Variants in MAPKAP1 observed in about 807,000 individuals in gnomAD.
MAPKAP1 encodes the protein target of rapamycin complex 2 subunit MAPKAP1.
Under a neutral mutation model 65.7 loss-of-function variants are expected in MAPKAP1, and 20 were observed. That is an observed-to-expected ratio of 0.30 (90% CI 0.21 to 0.44). The LOEUF (loss-of-function observed/expected upper bound fraction) is 0.44, where lower values mean the gene tolerates loss of function less well. MAPKAP1 is among the 20% of genes least tolerant of loss of function. The pLI, the probability that MAPKAP1 is intolerant of heterozygous loss-of-function variation, is 1.00. For synonymous variants in MAPKAP1, 222 were observed against 244.3 expected, an observed-to-expected ratio of 0.91 and a Z score of 0.85; for missense variants, 423 against 648.0, an observed-to-expected ratio of 0.65 and a Z score of 3.77.
chr9:125,591,171 C>A (rs1027022646), intron 4 of MAPKAP1, among the ~76,000 whole-genome samples: 1 of 152,208 alleles, frequency 6.6e-6, no homozygotes, highest in African/African-American at 2.4e-5. Context: ...AGACTCAAAC[C>A]TCATGTCAGC....
Position 125,464,202 on chromosome 9 carries a change from A to AT in MAPKAP1, c.1345+3769dup, listed in dbSNP as rs199979407. ...AACACAGTGAGACCCTGTCTCATAT[A>AT]TTAAAAAAAAAAAAAAAAAAAAAAA... On this transcript the variant is annotated intron_variant, in intron 10 of 11. Transcript: ENST00000265960. 8.9e-3 allele frequency among the ~76,000 whole-genome samples: 721 copies of AT among 81,098 alleles called. 100 individuals are homozygous for AT. The highest frequency in any genetic ancestry group is 0.039 in the East Asian group (123 of 3,156). The allele number at this position is 81,098 out of a possible 152,430, so 53.2% of individuals were successfully genotyped here.
intron 4 of MAPKAP1, among the ~76,000 whole-genome samples, chr9:125,594,112 G>C (rs1353713884): frequency 6.6e-6 from 1 of 152,180 alleles, no homozygotes; most frequent in East Asian, 1.9e-4. Context: ...CAACGCCCCA[G>C]TTTAGGCTTC....
chr9:125,673,093 T>C (rs111793880), intron 1 of MAPKAP1, among the ~76,000 whole-genome samples: 3,132 of 152,302 alleles, frequency 0.021, 40 homozygotes, highest in South Asian at 0.041. Flanking sequence ...TGTCATATGA[T>C]TGTGAAGTGT....
chr9:125,557,185 CTG>C (rs1341278825), intron 6 of MAPKAP1, among the ~76,000 whole-genome samples: 2 of 152,138 alleles, frequency 1.3e-5, no homozygotes, highest in South Asian at 2.1e-4. Context: ...TAGTGAAACA[CTG>C]TGTAGTCTTA....
intron 1 of MAPKAP1, among the ~76,000 whole-genome samples, chr9:125,696,671 T>C (rs575555739): frequency 6.6e-6 from 1 of 152,012 alleles, no homozygotes; most frequent in Non-Finnish European, 1.5e-5. Context: ...CTTATGTAAC[T>C]GAGGACTTTC....
At chr9:125,602,983 C>T (rs1832343734) in intron 4 of MAPKAP1, among the ~76,000 whole-genome samples, 1 of 152,120 alleles carries the variant, frequency 6.6e-6, no homozygotes, top group Non-Finnish European at 1.5e-5. Flanking sequence ...CATACTTGAC[C>T]TCCTAAACTC....
In MAPKAP1 at chr9:125,595,067, A is replaced by G. The variant is rs1210902553; in HGVS notation, c.499-9340T>C. Reference sequence around the variant, plus strand: ...GCATTATATTATAGCATATGGTGGTACCACCTATTCTCCCATTTTTAGAAA... The same window carrying G: ...GCATTATATTATAGCATATGGTGGTGCCACCTATTCTCCCATTTTTAGAAA... On this transcript the variant is annotated intron_variant, in intron 4 of 11. Transcript: ENST00000265960. This position sits in a 1 kb window ranked among gnomAD's most constrained non-coding sequence, Gnocchi z 4.0. Among the ~76,000 whole-genome samples, 1 of 152,250 alleles carries G rather than the reference A, an allele frequency of 6.6e-6. No homozygotes were observed. Among genetic ancestry groups the G allele is most frequent in the African/African-American group, 2.4e-5 (1 of 41,474 alleles).
At chr9:125,616,641 T>C (rs1053344372) in intron 4 of MAPKAP1, among the ~76,000 whole-genome samples, 9 of 152,028 alleles carry the variant, frequency 5.9e-5, no homozygotes, top group African/African-American at 2.2e-4. Context: ...ATGAAAATCA[T>C]AATGAGATAC....
At chr9:125,703,655 C>T (rs141886821) in intron 1 of MAPKAP1, among the ~76,000 whole-genome samples, 2,984 of 151,984 alleles carry the variant, frequency 0.02, 161 homozygotes, top group East Asian at 0.15. Context: ...GCCTATAGTC[C>T]CAGCTACTTG....
intron 5 of MAPKAP1, among the ~76,000 whole-genome samples, chr9:125,568,285 C>G (rs1831121918): frequency 6.6e-6 from 1 of 152,154 alleles, no homozygotes; most frequent in Non-Finnish European, 1.5e-5. Context: ...ATCCGCCTTG[C>G]ACTCTTTGCT....
At chr9:125,457,053 A>G (rs1479951467) in intron 10 of MAPKAP1, among the ~76,000 whole-genome samples, 2 of 149,944 alleles carry the variant, frequency 1.3e-5, no homozygotes, top group African/African-American at 4.9e-5. Context: ...CAGTGGCGCG[A>G]TCCTGGCTCA....
At chr9:125,705,801 T>C (rs962937284) in intron 1 of MAPKAP1, among the ~76,000 whole-genome samples, 1 of 152,092 alleles carries the variant, frequency 6.6e-6, no homozygotes, top group Non-Finnish European at 1.5e-5. Context: ...AGGGGAAACC[T>C]AGGCAAGGTA....
intron 4 of MAPKAP1, among the ~76,000 whole-genome samples, chr9:125,585,931 A>G (rs530070812): frequency 3.3e-5 from 5 of 152,240 alleles, no homozygotes; most frequent in South Asian, 4.2e-4. Flanking sequence ...AAACTAATGG[A>G]TCGGGATCTG....
intron 4 of MAPKAP1, among the ~76,000 whole-genome samples, chr9:125,604,072 T>C (rs982745933): frequency 6.6e-6 from 1 of 152,236 alleles, no homozygotes; most frequent in African/African-American, 2.4e-5. Context: ...AAGGCTCTGA[T>C]AGATGCAAAA....
At chr9:125,672,935 T>C (rs550309879) in intron 1 of MAPKAP1, among the ~76,000 whole-genome samples, 21 of 152,354 alleles carry the variant, frequency 1.4e-4, no homozygotes, top group African/African-American at 5.1e-4. Flanking sequence ...ATAACTACTG[T>C]TAAAACAATA....
At chr9:125,477,510 G>T (rs1423784146) in intron 9 of MAPKAP1, among the ~76,000 whole-genome samples, 1 of 152,178 alleles carries the variant, frequency 6.6e-6, no homozygotes, top group Non-Finnish European at 1.5e-5. Flanking sequence ...TGAGGCCAGG[G>T]ACTGGGTGAC....
At chr9:125,466,148 G>T (rs1287942624) in intron 10 of MAPKAP1, among the ~76,000 whole-genome samples, 5 of 152,188 alleles carry the variant, frequency 3.3e-5, no homozygotes, top group Admixed American at 6.5e-5. Context: ...GGGGGACTGA[G>T]GCAGGAGGAT....
chr9:125,636,330 A>C (rs1283157879), intron 4 of MAPKAP1, among the ~76,000 whole-genome samples: 1 of 152,250 alleles, frequency 6.6e-6, no homozygotes, highest in East Asian at 1.9e-4. Flanking sequence ...AACTGAAAGC[A>C]AAAAATGAAA....
At chr9:125,441,300 C>A (rs1480001676) in intron 11 of MAPKAP1, among the ~76,000 whole-genome samples, 1 of 152,180 alleles carries the variant, frequency 6.6e-6, no homozygotes, top group African/African-American at 2.4e-5. Context: ...AGCTCAGTGA[C>A]ATCTTGATGG....
Sources: gnomAD v4.1 joint callset for allele counts (sites outside exome capture counted in the v4.1 genomes callset) on GRCh38, gnomAD v4.1.1 for gene constraint, Gnocchi (gnomAD v3.1) non-coding constraint, MANE v1.5 for transcripts, NCBI Gene and HGNC (gene_info 2026-07-23, HGNC 2026-07-21) for gene names.